MME: variants seen among roughly 807,000 people sequenced by gnomAD.
MME encodes membrane metalloendopeptidase.
A neutral mutation model predicts 113.2 loss-of-function variants in MME; 98 were observed. That is an observed-to-expected ratio of 0.87 (90% CI 0.74 to 1.02). The LOEUF (loss-of-function observed/expected upper bound fraction) is 1.02, where lower values mean the gene tolerates loss of function less well. MME is among the 50% of genes least tolerant of loss of function. The pLI is 0.00. For synonymous variants in MME, 292 were observed against 300.6 expected (o/e 0.97, Z 0.30); for missense variants, 836 against 896.0 (o/e 0.93, Z 0.86).
At chr3:155,178,159 C>T (rs1576680275) in intron 22 of MME, among the ~76,000 whole-genome samples, 1 of 152,254 alleles carries the variant, frequency 6.6e-6, no homozygotes, top group East Asian at 1.9e-4. Context: ...TATATAAATT[C>T]CCCAGCTTCT....
In MME at chr3:155,051,151, T is replaced by C. The variant is rs1413042517; in HGVS notation, c.-11+26827T>C. Among the ~76,000 whole-genome samples, 4 of 152,196 alleles carry C rather than the reference T, an allele frequency of 2.6e-5. No individual in the cohort carries two copies. The East Asian group carries it at 7.7e-4, about 29-fold the overall frequency. ...TTTGGAAAATTCTCAGCCTATCAGG[T>C]AGTATGCTCTAGAAGTAAGAACAAA... On this transcript the variant is annotated intron_variant, in intron 1 of 22. Transcript: ENST00000492661.
At chr3:155,046,369 C>G (rs1713559700) in intron 1 of MME, among the ~76,000 whole-genome samples, 1 of 151,990 alleles carries the variant, frequency 6.6e-6, no homozygotes, top group Admixed American at 6.6e-5. Flanking sequence ...TGAGGGTGGC[C>G]CATAAGATGA....
chr3:155,133,062 A>ATATATATAT (rs376436889), intron 8 of MME, among the ~76,000 whole-genome samples: 10 of 75,080 alleles, frequency 1.3e-4, no homozygotes, highest in African/African-American at 5.9e-4. Context: ...AAAAAAAAAA[A>ATATATATAT]ATATATATAT....
At position 155,144,444 on chromosome 3, in the gene MME, G is replaced by A. The variant is rs1407907199; in HGVS notation, c.1403G>A (p.Arg468Lys). The A allele has an allele frequency of 6.2e-7, 1 of 1,611,166 alleles. No individual in the cohort carries two copies. Residue 468 changes from arginine (R) to lysine (K), a missense_variant, in exon 14 of 23, where the codon AGA becomes AAA. Transcript: ENST00000360490. ...TGGATGGATGCCGAGACAAAAAAGA[G>A]AGCTGAAGAAAAGGTAAAGAGCAGA... ...LTWMDAETKK[R>K]AEEKALAIKE...
intron 21 of MME, 145 bp from the exon 22 acceptor site, chr3:155,172,391 C>A (rs755438283): frequency 9.8e-6 from 8 of 818,224 alleles, no homozygotes; most frequent in African/African-American, 1.7e-5. Flanking sequence ...TCCTGGTTGC[C>A]TTTCATTGAA....
At chr3:155,086,071 G>A (rs1715695812) in intron 3 of MME, among the ~76,000 whole-genome samples, 1 of 152,150 alleles carries the variant, frequency 6.6e-6, no homozygotes, top group African/African-American at 2.4e-5. Flanking sequence ...ATGATTCTGC[G>A]AATGTGAGGT....
chr3:155,026,873 CTAACCTCTTTTTCCT>C (rs1312660584), intron 1 of MME, among the ~76,000 whole-genome samples: 18 of 152,198 alleles, frequency 1.2e-4, no homozygotes, highest in Non-Finnish European at 2.2e-4. Context: ...ATGATGTTTC[CTAACCTCTTTTTCCT>C]TTATGTCTTT....
chr3:155,144,164 A>G (rs1721329885), intron 13 of MME, among the ~76,000 whole-genome samples, 195 bp from the exon 14 acceptor site: 1 of 152,188 alleles, frequency 6.6e-6, no homozygotes, highest in African/African-American at 2.4e-5. Flanking sequence ...TTTAATCAAG[A>G]GTGTCGATAA....
At chr3:155,100,881 A>G (rs1371889158) in intron 3 of MME, among the ~76,000 whole-genome samples, 2 of 152,124 alleles carry the variant, frequency 1.3e-5, no homozygotes, top group Admixed American at 6.5e-5. Flanking sequence ...CTTAGTAGCA[A>G]TTGGTGCTAT....
chr3:155,064,660 A>G (rs1273343409), intron 1 of MME, among the ~76,000 whole-genome samples: 2 of 152,188 alleles, frequency 1.3e-5, no homozygotes, highest in Non-Finnish European at 2.9e-5. Flanking sequence ...TTCACTTGGA[A>G]AATCTTTCCC....
At chr3:155,065,672 T>A (rs981667288) in intron 1 of MME, among the ~76,000 whole-genome samples, 13 of 152,220 alleles carry the variant, frequency 8.5e-5, no homozygotes, top group Admixed American at 7.2e-4. Flanking sequence ...AAGTTTTGGA[T>A]TGCCTAACTT....
chr3:155,024,669 A>G (rs895490432), intron 1 of MME, among the ~76,000 whole-genome samples: 1 of 152,126 alleles, frequency 6.6e-6, no homozygotes, highest in African/African-American at 2.4e-5. Context: ...TATTTTATTG[A>G]TACTTTTTGC....
intron 3 of MME, among the ~76,000 whole-genome samples, chr3:155,108,950 G>A (rs1258765837): frequency 6.6e-6 from 1 of 152,126 alleles, no homozygotes; most frequent in Non-Finnish European, 1.5e-5. Flanking sequence ...GCAGACTTAA[G>A]GTTGCGTCTT....
intron 8 of MME, among the ~76,000 whole-genome samples, chr3:155,124,298 G>C (rs887531679): frequency 7.9e-5 from 12 of 151,746 alleles, no homozygotes; most frequent in Non-Finnish European, 1.3e-4. Flanking sequence ...CTCTGTATTG[G>C]TTATTCTAGT....
chr3:155,074,201 T>A (rs928274883), intron 1 of MME, among the ~76,000 whole-genome samples: 15 of 152,126 alleles, frequency 9.9e-5, no homozygotes, highest in African/African-American at 2.7e-4. Flanking sequence ...TTCTTAGGAT[T>A]TGTTGTTTTC....
intron 14 of MME, among the ~76,000 whole-genome samples, chr3:155,145,665 T>C (rs1721447388): frequency 6.6e-6 from 1 of 152,164 alleles, no homozygotes; most frequent in Non-Finnish European, 1.5e-5. Context: ...CCTTATAATC[T>C]AACCCATTTT....
intron 1 of MME, among the ~76,000 whole-genome samples, chr3:155,059,257 T>TAAAAAA (rs1714053328): frequency 1.7e-5 from 1 of 57,640 alleles, no homozygotes; most frequent in African/African-American, 1.0e-4. Flanking sequence ...AAATTCTGTC[T>TAAAAAA]CAAAAAAAAA....
intron 1 of MME, among the ~76,000 whole-genome samples, chr3:155,025,393 G>C (rs1421427963): frequency 6.6e-6 from 1 of 152,010 alleles, no homozygotes. Flanking sequence ...GGGAGGCCGA[G>C]GTGGGTGGAT....
In MME at chr3:155,116,952, CTGA is replaced by C. The variant is rs754369236; in HGVS notation, c.625_627del (p.Asp209del). ...GTCCTTATTAATTTGTTTGTTGGCA[CTGA>C]TGATAAGAATTCTGTGAATCATGTA... On this transcript the variant is annotated inframe_deletion, in exon 7 of 23. Coordinates refer to ENST00000360490, the MANE Select transcript of MME (RefSeq NM_007289.4). 1 of 1,602,164 alleles carries C rather than the reference CTGA, an allele frequency of 6.2e-7. No homozygotes were observed. The highest frequency in any genetic ancestry group is 8.5e-7 in the Non-Finnish European group (1 of 1,169,782).
Sources: gnomAD v4.1 joint callset for allele counts (sites outside exome capture counted in the v4.1 genomes callset) on GRCh38, gnomAD v4.1.1 for gene constraint, MANE v1.5 for transcripts, NCBI Gene and HGNC (gene_info 2026-07-23, HGNC 2026-07-21) for gene names.